ATM: variants seen among roughly 807,000 people sequenced by gnomAD.
ATM encodes the protein serine-protein kinase ATM.
In ATM, 308 loss-of-function variants were observed where a neutral mutation model predicts 387.0. The observed-to-expected ratio is 0.80, with a 90% CI of 0.73 to 0.87. ATM has a LOEUF of 0.87. Among genes scored for constraint, ATM ranks in the 40% least tolerant of loss-of-function variants. ATM has a pLI of 0.00. For synonymous variants in ATM, 1,156 were observed against 1,187.3 expected, an observed-to-expected ratio of 0.97 and a Z score of 0.54; for missense variants, 3,312 against 3,560.9, an observed-to-expected ratio of 0.93 and a Z score of 1.78.
chr11:108,292,726 A>G lies in ATM; in HGVS notation c.4544A>G (p.Asn1515Ser), dbSNP rs1565461414. The G allele has an allele frequency of 1.2e-6, 2 of 1,613,928 alleles. No individual in the cohort carries two copies. Among genetic ancestry groups the G allele is most frequent in the Non-Finnish European group, 1.7e-6 (2 of 1,179,972 alleles). ...ACTTACTGTAAGGATGCTCTAGAAAACCATCTTCATGTTATTGTTGGTACA... is the reference window on the plus strand; with the variant it reads ...ACTTACTGTAAGGATGCTCTAGAAAGCCATCTTCATGTTATTGTTGGTACA... Reference protein sequence around the residue: ...AVTYCKDALENHLHVIVGTLI... With the variant: ...AVTYCKDALESHLHVIVGTLI... The change falls in exon 30 of 63, where the codon AAC becomes AGC. Residue 1515 changes from asparagine to serine, a missense_variant. This residue lies in a region of ATM where 1,791 missense variants were observed against 1,804.5 expected (regional missense o/e 0.99). Coordinates refer to ENST00000675843, the MANE Select transcript of ATM (RefSeq NM_000051.4).
chr11:108,244,163 G>C (rs1365627630), intron 6 of ATM, 45 bp downstream of exon 6: 1 of 1,602,156 alleles, frequency 6.2e-7, no homozygotes, highest in South Asian at 1.1e-5. Context: ...AAATACTTTT[G>C]ATCTTGCAAG....
chr11:108,312,050 CTTTA>C (rs2084208329), intron 39 of ATM, among the ~76,000 whole-genome samples: 1 of 152,042 alleles, frequency 6.6e-6, no homozygotes, highest in Non-Finnish European at 1.5e-5. Flanking sequence ...TTATTGTGGT[CTTTA>C]TTTGTGTGTC....
chr11:108,344,782 T>C (rs975209889), intron 57 of ATM, among the ~76,000 whole-genome samples: 5 of 152,042 alleles, frequency 3.3e-5, no homozygotes, highest in African/African-American at 9.7e-5. Context: ...GGCAGGAGGA[T>C]TGCTTGAGCC....
At chr11:108,231,695 T>TG (rs1217061417) in intron 4 of ATM, 1 of 28,462 alleles carries the variant, frequency 3.5e-5, no homozygotes, top group Non-Finnish European at 7.5e-5. Context: ...AAACTCTGTC[T>TG]CAAAAAAAAA....
intron 28 of ATM, 104 bp from the exon 29 acceptor site, chr11:108,289,497 TA>T: frequency 1.2e-6 from 1 of 851,464 alleles, no homozygotes; most frequent in Non-Finnish European, 1.8e-6. Flanking sequence ...ATTTTAAATA[TA>T]AAATGTGTAG....
chr11:108,256,598 A>G (rs1432227955), intron 14 of ATM, among the ~76,000 whole-genome samples: 1 of 152,136 alleles, frequency 6.6e-6, no homozygotes, highest in Non-Finnish European at 1.5e-5. Flanking sequence ...ATACAGTGCC[A>G]TGGTGGTTTG....
rs1215932640 is a variant in ATM at position 108,358,598 on chromosome 11, C to T, written c.8850+3724C>T. On this transcript the variant is annotated intron_variant, in intron 61 of 62. Coordinates refer to ENST00000675843, the MANE Select transcript of ATM (RefSeq NM_000051.4). Reference sequence around the variant, plus strand: ...CCCATCAGACTAACAGCAGATCTCTCGGCAGAAACCCTACAAGCCAGAAGA... The same window carrying T: ...CCCATCAGACTAACAGCAGATCTCTTGGCAGAAACCCTACAAGCCAGAAGA... Among the ~76,000 whole-genome samples, 206 of 125,166 alleles carry T rather than the reference C, an allele frequency of 1.6e-3. 3 individuals are homozygous for T. The highest frequency in any genetic ancestry group is 3.0e-3 in the Non-Finnish European group (177 of 58,730). 82.1% of individuals were successfully genotyped at this position (125,166 alleles called of 152,430 possible). A position where few individuals can be genotyped will look rare whatever the true frequency, so the allele number is the denominator to read the frequency against.
chr11:108,296,227 A>G (rs991861174), intron 32 of ATM, among the ~76,000 whole-genome samples: 1 of 105,018 alleles, frequency 9.5e-6, no homozygotes, highest in African/African-American at 2.9e-5. Flanking sequence ...TTTGATTTTC[A>G]TCTTCCTATA....
At chr11:108,246,591 C>T (rs1317419041) in intron 7 of ATM, among the ~76,000 whole-genome samples, 1 of 152,124 alleles carries the variant, frequency 6.6e-6, no homozygotes, top group Non-Finnish European at 1.5e-5. Flanking sequence ...GTCATTTTTA[C>T]ACTAGTTGAA....
rs185370604 is a variant in ATM at position 108,243,861 on chromosome 11, A to G, written c.497-92A>G. On this transcript the variant is annotated intron_variant, in intron 5 of 62. Coordinates refer to ENST00000675843, the MANE Select transcript of ATM (RefSeq NM_000051.4). ...TGCAGTTTTAAAATCCTTTTTCTGT[A>G]TGGGATTATGGAATATTTAAGTTAA... The G allele has an allele frequency of 9.6e-5, 114 of 1,185,278 alleles. No individual in the cohort carries two copies. The African/African-American group carries it at 1.1e-3, about 12-fold the overall frequency. 73.4% of individuals were successfully genotyped at this position (1,185,278 alleles called of 1,614,324 possible).
chr11:108,328,130 A>G (rs1426200839), intron 48 of ATM, among the ~76,000 whole-genome samples: 4 of 152,234 alleles, frequency 2.6e-5, no homozygotes, highest in Non-Finnish European at 5.9e-5. Flanking sequence ...AGGCTTCAAT[A>G]TACTAGCCCC....
At chr11:108,237,449 AAACT>A (rs1317952537) in intron 5 of ATM, among the ~76,000 whole-genome samples, 18 of 152,080 alleles carry the variant, frequency 1.2e-4, no homozygotes, top group Admixed American at 8.5e-4. Context: ...TTTTATTTTT[AAACT>A]AACTACTCTT....
Position 108,329,140 on chromosome 11 carries a change from C to T in ATM, c.7209C>T (p.Asn2403=), listed in dbSNP as rs373662499. The change falls in exon 49 of 63, where the codon AAC becomes AAT. Residue 2403 remains asparagine (N), a synonymous_variant. Transcript: ENST00000675843. ...FSDTQYQRIE[N]YMKSSEFENK... is the part of the protein sequence containing the mutation. ...ATACTCAATACCAAAGAATTGAAAACTACATGAAATCATCGGAATTTGAAA... is the reference window on the plus strand; with the variant it reads ...ATACTCAATACCAAAGAATTGAAAATTACATGAAATCATCGGAATTTGAAA... 2.5e-6 allele frequency: 4 copies of T among 1,613,932 alleles called. No homozygotes were observed. The highest frequency in any genetic ancestry group is 3.3e-5 in the Admixed American group (2 of 60,000).
rs1300816039 is a variant in ATM at position 108,229,166 on chromosome 11, G to T, written c.186-12G>T. ...CAACGAGTTTCTGAAATTGCATTTT[G>T]TTTTCTTGAAGATTTTTACAGAAAT... On this transcript the variant is annotated splice_polypyrimidine_tract_variant and intron_variant, in intron 3 of 62. Coordinates refer to ENST00000675843, the MANE Select transcript of ATM (RefSeq NM_000051.4). 1.9e-6 allele frequency: 3 copies of T among 1,606,724 alleles called. No individual in the cohort carries two copies. Among genetic ancestry groups the T allele is most frequent in the Non-Finnish European group, 8.5e-7 (1 of 1,175,880 alleles).
rs373881770 is a variant in ATM at position 108,271,228 on chromosome 11, C to CT, written c.2922-8dup. On this transcript the variant is annotated intron_variant, in intron 19 of 62. Coordinates refer to ENST00000675843, the MANE Select transcript of ATM (RefSeq NM_000051.4). Reference sequence around the variant, plus strand: ...GTTCTGTTAAGCTTATAAAGTTGAACTTTTTTTTTTTTTTTACCACAGCAA... The same window carrying CT: ...GTTCTGTTAAGCTTATAAAGTTGAACTTTTTTTTTTTTTTTTACCACAGCAA... The CT allele has an allele frequency of 0.031, 46,599 of 1,516,430 alleles. 197 individuals carry two copies. The highest frequency in any genetic ancestry group is 0.14 in the Admixed American group (7,822 of 57,050). 93.9% of individuals were successfully genotyped at this position (1,516,430 alleles called of 1,614,324 possible).
chr11:108,260,787 C>T lies in ATM; in HGVS notation c.2466+1712C>T, dbSNP rs374638863. On this transcript the variant is annotated intron_variant, in intron 16 of 62. Transcript: ENST00000675843. ...GGCGCAGGTCAGTGGGTGTGCGCAC[C>T]GTGCGCGAGCCGAAGCAGGGCGAGG... Among the ~76,000 whole-genome samples, 101 of 152,236 alleles carry T rather than the reference C, an allele frequency of 6.6e-4. No individual in the cohort carries two copies. In the East Asian group the frequency reaches 0.016, roughly 25 times the overall value.
chr11:108,258,394 T>G (rs2080641180), intron 15 of ATM, among the ~76,000 whole-genome samples: 1 of 152,226 alleles, frequency 6.6e-6, no homozygotes, highest in Non-Finnish European at 1.5e-5. Context: ...TTTCATTCAT[T>G]TAATAAAAAT....
intron 5 of ATM, chr11:108,236,101 A>C: frequency 2.2e-6 from 1 of 461,736 alleles, no homozygotes; most frequent in South Asian, 2.2e-5. Context: ...AGGAGTTGAC[A>C]GTGGCAGAAG....
At chr11:108,329,583 G>C (rs1295595898) in intron 49 of ATM, among the ~76,000 whole-genome samples, 1 of 151,970 alleles carries the variant, frequency 6.6e-6, no homozygotes, top group Non-Finnish European at 1.5e-5. Flanking sequence ...GCTAATTTTT[G>C]TATTTTTTGT....
Sources: gnomAD v4.1 joint callset for allele counts (sites outside exome capture counted in the v4.1 genomes callset) on GRCh38, gnomAD v4.1.1 for gene constraint, gnomAD v4.1.1 regional missense constraint, MANE v1.5 for transcripts, NCBI Gene and HGNC (gene_info 2026-07-23, HGNC 2026-07-21) for gene names.